C4orf50: variants seen among roughly 807,000 people sequenced by gnomAD.
The protein encoded by C4orf50 is chromosome 4 open reading frame 50.
In C4orf50, 80 loss-of-function variants were observed where a neutral mutation model predicts 77.2. The ratio of observed to expected loss-of-function variants is 1.04; its 90% CI spans 0.87 to 1.25. The LOEUF is 1.25. C4orf50 is among the 50% of genes most tolerant of loss of function. The pLI is 0.00. For missense variants in C4orf50, 1,257 were observed against 1,152.9 expected, an observed-to-expected ratio of 1.09 and a Z score of -1.31; for synonymous variants, 532 against 465.3, an observed-to-expected ratio of 1.14 and a Z score of -1.84.
intron 7 of C4orf50, chr4:5,903,312 A>G (rs1716416435): frequency 6.6e-6 from 1 of 152,220 alleles, no homozygotes; most frequent in Non-Finnish European, 1.5e-5. Context: ...GCTAACTCCA[A>G]TATTAAAAAA....
At chr4:5,940,034 C>G (rs1339457627) in intron 7 of C4orf50, among the ~76,000 whole-genome samples, 1 of 152,232 alleles carries the variant, frequency 6.6e-6, no homozygotes, top group Non-Finnish European at 1.5e-5. Flanking sequence ...AAGCATGAAG[C>G]TCAGTTGCAC....
chr4:5,941,863 A>T (rs2108751190), intron 7 of C4orf50, among the ~76,000 whole-genome samples: 1 of 152,072 alleles, frequency 6.6e-6, no homozygotes, highest in East Asian at 1.9e-4. Flanking sequence ...TCTCACTTTC[A>T]CTAGGTACTC....
At position 5,952,088 on chromosome 4, in the gene C4orf50, C is replaced by A. The variant is rs1371370045; in HGVS notation, c.*2474+4813G>T. On this transcript the variant is annotated intron_variant, in intron 7 of 7. Transcript: ENST00000324058. This position sits in a 1 kb window ranked among gnomAD's most constrained non-coding sequence, Gnocchi z 4.4. ...TCAACTAGTTCATGGAGTCATTCAA[C>A]AAGCATGTATTAAGCCCTGGGAGGA... 6.6e-6 allele frequency among the ~76,000 whole-genome samples: 1 copy of A among 152,194 alleles called. No homozygotes were observed. Among genetic ancestry groups the A allele is most frequent in the African/African-American group, 2.4e-5 (1 of 41,442 alleles).
intron 7 of C4orf50, among the ~76,000 whole-genome samples, chr4:5,945,485 G>A (rs896034643): frequency 5.3e-5 from 8 of 152,184 alleles, no homozygotes; most frequent in African/African-American, 1.7e-4. Context: ...AACATGGCTC[G>A]TGAATGTGAG....
At chr4:5,997,272 C>G (rs1016618026) in intron 25 of C4orf50, among the ~76,000 whole-genome samples, 1 of 152,208 alleles carries the variant, frequency 6.6e-6, no homozygotes, top group African/African-American at 2.4e-5. Context: ...TCAAAAAATG[C>G]TCGCTGAGCA....
chr4:5,989,588 G>A, exon 28 of C4orf50: 1 of 1,536,144 alleles, frequency 6.5e-7, no homozygotes, highest in Non-Finnish European at 8.7e-7. Context: ...CCCGGCTGCA[G>A]GGTGGACAGC....
chr4:5,979,308 T>C (rs560209481), intron 29 of C4orf50, among the ~76,000 whole-genome samples: 1 of 152,216 alleles, frequency 6.6e-6, no homozygotes, highest in South Asian at 2.1e-4. Flanking sequence ...AACAGAAAAA[T>C]TGATTAAATA....
At chr4:5,912,391 A>T (rs1716847386) in intron 7 of C4orf50, among the ~76,000 whole-genome samples, 1 of 152,174 alleles carries the variant, frequency 6.6e-6, no homozygotes, top group Non-Finnish European at 1.5e-5. Flanking sequence ...AAAAATTGGA[A>T]TGAGGAAAAT....
intron 33 of C4orf50, among the ~76,000 whole-genome samples, chr4:5,960,566 A>C (rs1165927156): frequency 6.6e-6 from 1 of 152,250 alleles, no homozygotes; most frequent in East Asian, 1.9e-4. Context: ...ACTATGTGCC[A>C]AGCCTGACCT....
At chr4:5,933,590 A>G (rs1717861363) in intron 7 of C4orf50, among the ~76,000 whole-genome samples, 1 of 152,190 alleles carries the variant, frequency 6.6e-6, no homozygotes. Context: ...TGTCCCTGAC[A>G]CCAGCACTCG....
intron 7 of C4orf50, among the ~76,000 whole-genome samples, chr4:5,951,901 T>C (rs1245533071): frequency 1.3e-5 from 2 of 151,994 alleles, no homozygotes; most frequent in Non-Finnish European, 2.9e-5. Context: ...TTCCAATCCC[T>C]CTCCTCCTCT....
chr4:6,011,905 G>A lies in C4orf50; in HGVS notation c.351C>T (p.His117=), dbSNP rs115521078. 8,884 of 399,084 alleles carry A rather than the reference G, an allele frequency of 0.022. 124 individuals carry two copies. The highest frequency in any genetic ancestry group is 0.031 in the Non-Finnish European group (7,039 of 226,084). 24.7% of individuals were successfully genotyped at this position (399,084 alleles called of 1,614,324 possible). Residue 117 remains histidine (H), a synonymous_variant, in exon 24 of 34, where the codon CAC becomes CAT. Transcript: ENST00000531445. The surrounding 1 kb of genome is among the most constrained non-coding windows in gnomAD (Gnocchi z 4.2). ...GCCAGGCGCTTCTCTCCTGGGCCAC[G>A]TGGGTGCTCAGCTGGTCCACCTTCC...
chr4:5,956,111 T>C (rs1427973318), downstream of C4orf50, among the ~76,000 whole-genome samples: 1 of 152,168 alleles, frequency 6.6e-6, no homozygotes, highest in Non-Finnish European at 1.5e-5. Context: ...GATTTCCTCA[T>C]TGTGGGAACA....
rs1722491657 is a variant in C4orf50 at position 6,011,468 on chromosome 4, C to T, written c.426+362G>A. 6.6e-6 allele frequency among the ~76,000 whole-genome samples: 1 copy of T among 152,096 alleles called. No homozygotes were observed. Among genetic ancestry groups the T allele is most frequent in the East Asian group, 1.9e-4 (1 of 5,166 alleles). On this transcript the variant is annotated intron_variant, in intron 24 of 33. Coordinates refer to ENST00000531445, the Ensembl canonical transcript of C4orf50. The surrounding 1 kb of genome is among the most constrained non-coding windows in gnomAD (Gnocchi z 4.2). ...CACGCCATGGGGGATCGCACACTCC[C>T]CCATGGCACCCCACATCCGGGTTTA...
At position 5,970,643 on chromosome 4, in the gene C4orf50, C is replaced by T. The variant is rs1260985571; in HGVS notation, c.4104+3016G>A. ...TGAGGCTCAATTTCCACCACGCACC[C>T]AAACCAGGACAAGAAAAGAAAATGG... On this transcript the variant is annotated intron_variant, in intron 31 of 33. Transcript: ENST00000531445. The surrounding 1 kb of genome is among the most constrained non-coding windows in gnomAD (Gnocchi z 4.3). 6.6e-6 allele frequency among the ~76,000 whole-genome samples: 1 copy of T among 152,202 alleles called. No homozygotes were observed. The highest frequency in any genetic ancestry group is 2.4e-5 in the African/African-American group (1 of 41,456).
chr4:5,953,915 T>C (rs1346428559), downstream of C4orf50, among the ~76,000 whole-genome samples: 1 of 152,228 alleles, frequency 6.6e-6, no homozygotes, highest in African/African-American at 2.4e-5. Context: ...CTGTTTCCTC[T>C]AGACAGGCAC....
At chr4:5,974,136 GAGC>G (rs1464198821) in intron 30 of C4orf50, among the ~76,000 whole-genome samples, 3 of 152,208 alleles carry the variant, frequency 2.0e-5, no homozygotes, top group Non-Finnish European at 4.4e-5. Context: ...CCAGCTCTGT[GAGC>G]AAGCTCCCCT....
At chr4:6,002,249 G>A (rs999895056) in intron 25 of C4orf50, among the ~76,000 whole-genome samples, 3 of 152,144 alleles carry the variant, frequency 2.0e-5, no homozygotes, top group Non-Finnish European at 2.9e-5. Context: ...AGAGTGATGC[G>A]TCTGCAAGTC....
intron 7 of C4orf50, chr4:5,902,890 G>T (rs1036952920): frequency 1.3e-5 from 2 of 152,168 alleles, no homozygotes; most frequent in African/African-American, 4.8e-5. Flanking sequence ...CAAGCAGGTA[G>T]CAGAGCTGGA....
Sources: allele counts gnomAD v4.1 joint callset (sites outside exome capture counted in the v4.1 genomes callset), GRCh38; gene constraint gnomAD v4.1.1; non-coding constraint Gnocchi (gnomAD v3.1); transcripts MANE v1.5; gene names NCBI Gene and HGNC (gene_info 2026-07-23, HGNC 2026-07-21).